THSD7B: variants seen among roughly 807,000 people sequenced by gnomAD.
The protein encoded by THSD7B is thrombospondin type-1 domain-containing protein 7B.
In THSD7B, 138 loss-of-function variants were observed where a neutral mutation model predicts 213.6. The observed-to-expected ratio is 0.65, with a 90% CI of 0.56 to 0.74. The LOEUF (loss-of-function observed/expected upper bound fraction) is 0.74. Ranked by LOEUF, THSD7B falls within the 30% of genes least tolerant of loss-of-function variation. THSD7B has a pLI of 0.00. For missense variants in THSD7B, 1,931 were observed against 1,991.5 expected (o/e 0.97, Z 0.58); for synonymous variants, 742 against 687.0 (o/e 1.08, Z -1.25).
intron 14 of THSD7B, among the ~76,000 whole-genome samples, chr2:137,432,148 T>G (rs763349655): frequency 2.8e-4 from 42 of 152,216 alleles, no homozygotes; most frequent in Non-Finnish European, 5.7e-4. Context: ...ATCCCAGCAC[T>G]TTGGGAGGCG....
intron 14 of THSD7B, among the ~76,000 whole-genome samples, chr2:137,417,387 GC>G (rs1686821602): frequency 6.6e-6 from 1 of 151,980 alleles, no homozygotes; most frequent in Non-Finnish European, 1.5e-5. Flanking sequence ...GATTAAAAGA[GC>G]TTTTTTTTTC....
rs185790654 is a variant in THSD7B, at chr2:137,600,786, A to T, written c.3424-15389A>T. Among the ~76,000 whole-genome samples, 3 of 152,264 alleles carry T rather than the reference A, an allele frequency of 2.0e-5. No individual in the cohort carries two copies. The East Asian group carries it at 5.8e-4, about 29-fold the overall frequency. Reference sequence around the variant, plus strand: ...ATTTAACTACAAGACAGCATCAGGCAGCTCCTTCAGGAGGTATTTCAATGG... The same window carrying T: ...ATTTAACTACAAGACAGCATCAGGCTGCTCCTTCAGGAGGTATTTCAATGG... On this transcript the variant is annotated intron_variant, in intron 17 of 27. Transcript: ENST00000409968.
chr2:137,529,805 G>C (rs1680362390), intron 15 of THSD7B, among the ~76,000 whole-genome samples: 1 of 151,888 alleles, frequency 6.6e-6, no homozygotes, highest in African/African-American at 2.4e-5. Context: ...AGGGACATCT[G>C]GGTTTGTAGT....
intron 2 of THSD7B, among the ~76,000 whole-genome samples, chr2:136,984,601 T>A (rs1685639801): frequency 6.6e-6 from 1 of 152,164 alleles, no homozygotes; most frequent in Admixed American, 6.5e-5. Flanking sequence ...ACCTGTTTTT[T>A]AAATAAATTG....
chr2:137,261,071 G>T (rs1682435035), intron 10 of THSD7B, among the ~76,000 whole-genome samples: 1 of 152,038 alleles, frequency 6.6e-6, no homozygotes. Flanking sequence ...CCTCAGTCTT[G>T]CAAAGTGCTG....
intron 2 of THSD7B, among the ~76,000 whole-genome samples, chr2:137,035,099 A>G (rs1686751270): frequency 6.6e-6 from 1 of 152,186 alleles, no homozygotes; most frequent in Non-Finnish European, 1.5e-5. Context: ...CAGAACTCTG[A>G]GGCCCTGATG....
chr2:137,426,453 T>A (rs6430714), intron 14 of THSD7B, among the ~76,000 whole-genome samples: 151,346 of 152,320 alleles, frequency 0.99, 75,197 homozygotes, highest in East Asian at 1. Flanking sequence ...TAGTCATCAT[T>A]AGCAGTATGG....
At chr2:137,373,966 C>T (rs1402491234) in intron 12 of THSD7B, among the ~76,000 whole-genome samples, 1 of 152,148 alleles carries the variant, frequency 6.6e-6, no homozygotes, top group African/African-American at 2.4e-5. Context: ...ATCCTTTCCC[C>T]ATTGCTTGTT....
chr2:137,348,561 G>A (rs1684931218), intron 12 of THSD7B, among the ~76,000 whole-genome samples: 1 of 151,646 alleles, frequency 6.6e-6, no homozygotes, highest in African/African-American at 2.4e-5. Flanking sequence ...AAGCTTTGTA[G>A]CGGGTTCGTG....
intron 12 of THSD7B, among the ~76,000 whole-genome samples, chr2:137,363,378 A>G (rs1275440888): frequency 6.6e-6 from 1 of 152,234 alleles, no homozygotes; most frequent in Non-Finnish European, 1.5e-5. Context: ...GCAAGAAATA[A>G]CTAAGATCAG....
At chr2:137,511,116 C>T (rs1196782124) in intron 15 of THSD7B, among the ~76,000 whole-genome samples, 7 of 152,090 alleles carry the variant, frequency 4.6e-5, no homozygotes, top group Admixed American at 4.6e-4. Context: ...ATTTTTTCCT[C>T]TCTCTTCTTT....
At chr2:136,898,908 T>C (rs13382648) in intron 2 of THSD7B, among the ~76,000 whole-genome samples, 5,854 of 152,170 alleles carry the variant, frequency 0.038, 148 homozygotes, top group Middle Eastern at 0.14. Context: ...CCCAAAGTGC[T>C]GGGATTACAG....
chr2:137,604,002 T>C (rs988983552), intron 17 of THSD7B, among the ~76,000 whole-genome samples: 4 of 152,030 alleles, frequency 2.6e-5, no homozygotes, highest in African/African-American at 9.7e-5. Context: ...TCCCAGCTAC[T>C]TGGGAGGCTG....
In THSD7B at chr2:136,924,629, A is replaced by AT. The variant is rs201012566; in HGVS notation, c.139+42320dup. On this transcript the variant is annotated intron_variant, in intron 2 of 27. Transcript: ENST00000409968. ...TCAGGAAGTATGAGGCCTTGGCCTT[A>AT]TTTTTTTTCAAGATTATTTTGGCTG... Among the ~76,000 whole-genome samples the AT allele has an allele frequency of 3.8e-3, 580 of 151,794 alleles. 7 individuals are homozygous for AT. Among genetic ancestry groups the AT allele is most frequent in the Admixed American group, 7.5e-3 (115 of 15,242 alleles).
intron 4 of THSD7B, among the ~76,000 whole-genome samples, chr2:137,113,588 C>T (rs1444160629): frequency 1.3e-5 from 2 of 152,130 alleles, no homozygotes; most frequent in Admixed American, 6.5e-5. Context: ...AGGCATGTGC[C>T]ACCACATCCG....
At chr2:137,108,058 C>T (rs1688288197) in intron 4 of THSD7B, among the ~76,000 whole-genome samples, 1 of 152,146 alleles carries the variant, frequency 6.6e-6, no homozygotes, top group Non-Finnish European at 1.5e-5. Flanking sequence ...TATACACATG[C>T]ATTTAATTTG....
chr2:137,053,387 A>G (rs1327436225), intron 2 of THSD7B, among the ~76,000 whole-genome samples: 1 of 152,202 alleles, frequency 6.6e-6, no homozygotes, highest in Non-Finnish European at 1.5e-5. Flanking sequence ...TGATGCAGAA[A>G]AAATTTTGCT....
intron 1 of THSD7B, among the ~76,000 whole-genome samples, chr2:136,860,086 C>T (rs12617105): frequency 7.3e-6 from 1 of 136,384 alleles, no homozygotes; most frequent in African/African-American, 2.8e-5. Flanking sequence ...GGCGTGATCT[C>T]GGCGCACTAC....
chr2:137,442,795 G>C (rs1200349061), intron 14 of THSD7B, among the ~76,000 whole-genome samples: 1 of 152,106 alleles, frequency 6.6e-6, no homozygotes, highest in Non-Finnish European at 1.5e-5. Context: ...TCAGAAATCA[G>C]CTTTCATAAA....
Sources: allele counts gnomAD v4.1 joint callset (sites outside exome capture counted in the v4.1 genomes callset), GRCh38; gene constraint gnomAD v4.1.1; transcripts MANE v1.5; gene names NCBI Gene and HGNC (gene_info 2026-07-23, HGNC 2026-07-21).